CBL: variants seen among roughly 807,000 people sequenced by gnomAD.
CBL encodes the protein Cbl proto-oncogene, also known as E3 ubiquitin-protein ligase CBL.
In CBL, 45 loss-of-function variants were observed where a neutral mutation model predicts 96.9. The ratio of observed to expected loss-of-function variants is 0.46; its 90% CI spans 0.37 to 0.60. The LOEUF is 0.60. Among genes scored for constraint, CBL ranks in the 20% least tolerant of loss-of-function variants. The pLI is 0.00. For missense variants in CBL, 1,024 were observed against 1,143.5 expected, an observed-to-expected ratio of 0.90 and a Z score of 1.51; for synonymous variants, 420 against 426.8, an observed-to-expected ratio of 0.98 and a Z score of 0.20.
chr11:119,259,604 T>G (rs1592390858), intron 2 of CBL, among the ~76,000 whole-genome samples: 1 of 152,174 alleles, frequency 6.6e-6, no homozygotes, highest in Non-Finnish European at 1.5e-5. Context: ...GGGAGAATTA[T>G]GATAGATACC....
intron 11 of CBL, among the ~76,000 whole-genome samples, 155 bp downstream of exon 11, chr11:119,285,721 C>T (rs1013408772): frequency 2.0e-5 from 3 of 152,044 alleles, no homozygotes; most frequent in Non-Finnish European, 4.4e-5. Flanking sequence ...CGTAGTGAAA[C>T]CCTGTCTCTA....
chr11:119,216,367 T>TATTC (rs1949360297), intron 1 of CBL, among the ~76,000 whole-genome samples: 1 of 151,138 alleles, frequency 6.6e-6, no homozygotes, highest in South Asian at 2.1e-4. Context: ...TTTATTTATT[T>TATTC]ATTTATTTAT....
chr11:119,213,529 A>G (rs536428913), intron 1 of CBL, among the ~76,000 whole-genome samples: 1 of 152,326 alleles, frequency 6.6e-6, no homozygotes, highest in East Asian at 1.9e-4. Flanking sequence ...CCTTGAGGGT[A>G]GCACCTGTAA....
rs1020614755 is a variant in CBL, at chr11:119,206,631, G to T, written c.195+19G>T. ...GGACAAGGTGAAAGGCCGGCTGAGC[G>T]CCCGCTGTTGCAGGGTGGGCGTGGG... is the stretch of plus-strand genomic sequence containing the variant. On this transcript the variant is annotated intron_variant, in intron 1 of 15. Coordinates refer to ENST00000264033, the MANE Select transcript of CBL (RefSeq NM_005188.4). 19 of 1,544,274 alleles carry T rather than the reference G, an allele frequency of 1.2e-5. No homozygotes were observed. Among genetic ancestry groups the T allele is most frequent in the Non-Finnish European group, 1.7e-5 (19 of 1,144,730 alleles).
chr11:119,208,873 T>A (rs1270176044), intron 1 of CBL, among the ~76,000 whole-genome samples: 1 of 152,192 alleles, frequency 6.6e-6, no homozygotes, highest in Non-Finnish European at 1.5e-5. Context: ...AATGTTTAAT[T>A]ATTTGGGAAG....
chr11:119,277,438 C>T (rs1380787567), intron 6 of CBL, among the ~76,000 whole-genome samples: 1 of 152,058 alleles, frequency 6.6e-6, no homozygotes, highest in Non-Finnish European at 1.5e-5. Context: ...ATGTGGCCTA[C>T]AAATCCTAAA....
intron 2 of CBL, among the ~76,000 whole-genome samples, chr11:119,239,368 T>G (rs975818775): frequency 1.3e-5 from 2 of 152,198 alleles, no homozygotes; most frequent in Non-Finnish European, 2.9e-5. Context: ...ATTTTGTTCA[T>G]TTTGATGCTA....
intron 7 of CBL, 51 bp from the exon 8 acceptor site, chr11:119,278,115 A>T (rs1265570588): frequency 7.1e-7 from 1 of 1,398,844 alleles, no homozygotes; most frequent in Non-Finnish European, 1.0e-6. Context: ...TAACATTTAT[A>T]ATTGCAGTTA....
chr11:119,256,091 A>G (rs1321183055), intron 2 of CBL, among the ~76,000 whole-genome samples: 1 of 151,888 alleles, frequency 6.6e-6, no homozygotes, highest in East Asian at 1.9e-4. Flanking sequence ...TATGGAGTGA[A>G]TAAATTAATG....
chr11:119,219,278 A>C (rs771306326), intron 1 of CBL, among the ~76,000 whole-genome samples: 1 of 151,446 alleles, frequency 6.6e-6, no homozygotes, highest in Non-Finnish European at 1.5e-5. Flanking sequence ...ACGTGGGAGG[A>C]GGCTAAGGAG....
intron 15 of CBL, among the ~76,000 whole-genome samples, chr11:119,298,794 T>G (rs1479411704): frequency 6.6e-6 from 1 of 152,230 alleles, no homozygotes; most frequent in African/African-American, 2.4e-5. Flanking sequence ...ATTTATAGTT[T>G]CTCTGAGTAT....
chr11:119,302,967 A>G lies in CBL; in HGVS notation c.*3186A>G, dbSNP rs1266322961. The G allele has an allele frequency of 4.4e-6, 1 of 228,548 alleles. No individual in the cohort carries two copies. The highest frequency in any genetic ancestry group is 2.2e-5 in the African/African-American group (1 of 45,102). The allele number at this position is 228,548 out of a possible 1,614,324, so 14.2% of individuals were successfully genotyped here. On this transcript the variant is annotated 3_prime_UTR_variant, in exon 16 of 16. Coordinates refer to ENST00000264033, the MANE Select transcript of CBL (RefSeq NM_005188.4). ...ACTGGGGCCCAAGATGTGGGATACT[A>G]CTGTTAGTATTATTTAACTATTTTG...
intron 1 of CBL, among the ~76,000 whole-genome samples, chr11:119,219,203 C>A (rs977227374): frequency 4.0e-5 from 6 of 151,888 alleles, no homozygotes; most frequent in Non-Finnish European, 7.4e-5. Context: ...CATGGTGATA[C>A]CCTGTCTCTA....
At chr11:119,232,742 C>T (rs1453427220) in intron 2 of CBL, 47 bp downstream of exon 2, 2 of 1,574,204 alleles carry the variant, frequency 1.3e-6, no homozygotes. Flanking sequence ...CTGTGACTGC[C>T]TGAATGGGTA....
chr11:119,226,047 G>A (rs1402968184), intron 1 of CBL, among the ~76,000 whole-genome samples: 1 of 152,126 alleles, frequency 6.6e-6, no homozygotes, highest in East Asian at 1.9e-4. Context: ...TTCATTGGGA[G>A]CTGTACTTGG....
At chr11:119,290,162 C>T (rs1032103966) in intron 12 of CBL, among the ~76,000 whole-genome samples, 3 of 152,198 alleles carry the variant, frequency 2.0e-5, no homozygotes, top group Middle Eastern at 3.4e-3. Flanking sequence ...CCTCCTGCCT[C>T]AGCCTCCCGA....
At position 119,278,220 on chromosome 11, in the gene CBL, T is replaced by C. The variant is rs387906664; in HGVS notation, c.1150T>C (p.Cys384Arg). 1 of 1,611,960 alleles carries C rather than the reference T, an allele frequency of 6.2e-7. No homozygotes were observed. The highest frequency in any genetic ancestry group is 8.5e-7 in the Non-Finnish European group (1 of 1,178,000). Residue 384 changes from cysteine to arginine, a missense_variant, in exon 8 of 16, where the codon TGT (cysteine) becomes CGT (arginine). Physicochemically the swap from Cys to Arg is radical, Grantham distance 180. This residue lies in a region of CBL where 695 missense variants were observed against 661.6 expected (regional missense o/e 1.05). Transcript: ENST00000264033. ...MGSTFQLCKI[C>R]AENDKDVKIE... The stretch of plus-strand genomic sequence containing the variant: ...CTCCACATTCCAACTATGTAAAATA[T>C]GTGCTGAAAATGATAAGGATGTAAA...
intron 9 of CBL, among the ~76,000 whole-genome samples, chr11:119,281,241 G>T (rs1459343868): frequency 2.0e-5 from 3 of 152,038 alleles, no homozygotes; most frequent in African/African-American, 7.2e-5. Flanking sequence ...GAGTACCTTG[G>T]TTCCCATGTT....
chr11:119,297,604 C>G (rs879180770), intron 14 of CBL, 123 bp downstream of exon 14: 1 of 746,980 alleles, frequency 1.3e-6, no homozygotes, highest in East Asian at 2.6e-5. Context: ...ACTACAGGTA[C>G]GTGCCACCAT....
Sources: allele counts gnomAD v4.1 joint callset (sites outside exome capture counted in the v4.1 genomes callset), GRCh38; gene constraint gnomAD v4.1.1; regional missense constraint gnomAD v4.1.1; transcripts MANE v1.5; gene names NCBI Gene and HGNC (gene_info 2026-07-23, HGNC 2026-07-21).